WNT7A: variants seen among roughly 807,000 people sequenced by gnomAD.
The protein encoded by WNT7A is protein Wnt-7a.
Under a neutral mutation model 28.2 loss-of-function variants are expected in WNT7A, and 16 were observed. The observed-to-expected ratio is 0.57, with a 90% CI of 0.38 to 0.86. The LOEUF is 0.86. Ranked by LOEUF, WNT7A falls within the 40% of genes least tolerant of loss-of-function variation. WNT7A has a pLI of 0.00. For synonymous variants in WNT7A, 190 were observed against 195.9 expected, an observed-to-expected ratio of 0.97 and a Z score of 0.25; for missense variants, 411 against 489.7, an observed-to-expected ratio of 0.84 and a Z score of 1.52.
At chr3:13,851,542 A>C (rs903317234) in intron 3 of WNT7A, among the ~76,000 whole-genome samples, 3 of 151,966 alleles carry the variant, frequency 2.0e-5, no homozygotes, top group African/African-American at 7.3e-5. Flanking sequence ...TCTTCCTCTG[A>C]CCTCTTTTCT....
intron 3 of WNT7A, among the ~76,000 whole-genome samples, chr3:13,822,172 C>T (rs1164152283): frequency 6.6e-6 from 1 of 152,232 alleles, no homozygotes; most frequent in East Asian, 1.9e-4. Flanking sequence ...AACAGTCTGG[C>T]AGCTCCTCAG....
At chr3:13,856,721 G>A (rs555793521) in intron 2 of WNT7A, among the ~76,000 whole-genome samples, 1 of 152,088 alleles carries the variant, frequency 6.6e-6, no homozygotes, top group South Asian at 2.1e-4. Context: ...GGGAAACTGA[G>A]GCAGGAGAAT....
chr3:13,833,401 A>T (rs1327177196), intron 3 of WNT7A, among the ~76,000 whole-genome samples: 1 of 152,158 alleles, frequency 6.6e-6, no homozygotes, highest in Non-Finnish European at 1.5e-5. Context: ...ACATGAAGGG[A>T]GCCCATATGG....
In WNT7A at chr3:13,822,482, G is replaced by C. The variant is rs76751654; in HGVS notation, c.571-3059C>G. Among the ~76,000 whole-genome samples the C allele has an allele frequency of 1.5e-4, 23 of 152,332 alleles. No homozygotes were observed. In the East Asian group the frequency reaches 4.4e-3, roughly 29 times the overall value. ...AGCCAGATGCAAAAGGCCACATATC[G>C]TGTGATTCCGTTTACATGCAATGCC... On this transcript the variant is annotated intron_variant, in intron 3 of 3. Coordinates refer to ENST00000285018, the MANE Select transcript of WNT7A (RefSeq NM_004625.4).
chr3:13,840,469 G>A (rs191479635), intron 3 of WNT7A, among the ~76,000 whole-genome samples: 37 of 152,352 alleles, frequency 2.4e-4, no homozygotes, highest in African/African-American at 3.4e-4. Flanking sequence ...ATGAACGAAT[G>A]CATGGATTTC....
At chr3:13,833,612 C>T (rs1694317357) in intron 3 of WNT7A, among the ~76,000 whole-genome samples, 1 of 152,210 alleles carries the variant, frequency 6.6e-6, no homozygotes, top group African/African-American at 2.4e-5. Context: ...AAGTGACCTC[C>T]CTGCAGGCTG....
chr3:13,851,328 G>A (rs1260512678), intron 3 of WNT7A, among the ~76,000 whole-genome samples: 6 of 152,160 alleles, frequency 3.9e-5, no homozygotes, highest in Non-Finnish European at 5.9e-5. Context: ...CTGCAGCCTC[G>A]TCACTCGTCC....
chr3:13,877,703 T>C lies in WNT7A; in HGVS notation c.71+2043A>G, dbSNP rs888848176. On this transcript the variant is annotated intron_variant, in intron 1 of 3. Transcript: ENST00000285018. Reference sequence around the variant, plus strand: ...GTATTGATAACTAGTCCCCACCTCATTGGCTGCTGTGAAAATCAAATGTGC... The same window carrying C: ...GTATTGATAACTAGTCCCCACCTCACTGGCTGCTGTGAAAATCAAATGTGC... 4.6e-5 allele frequency among the ~76,000 whole-genome samples: 7 copies of C among 152,188 alleles called. No homozygotes were observed. In the East Asian group the frequency reaches 1.3e-3, roughly 29 times the overall value.
At chr3:13,854,485 G>T (rs1392587444) in intron 3 of WNT7A, 47 bp downstream of exon 3, 1 of 1,612,586 alleles carries the variant, frequency 6.2e-7, no homozygotes, top group South Asian at 1.1e-5. Flanking sequence ...AAGCCATTTT[G>T]CAGCATCTCC....
At chr3:13,823,454 G>T (rs1694143869) in intron 3 of WNT7A, among the ~76,000 whole-genome samples, 2 of 152,196 alleles carry the variant, frequency 1.3e-5, no homozygotes, top group Non-Finnish European at 1.5e-5. Flanking sequence ...CCGAGCAATT[G>T]TCAGTTGAAT....
chr3:13,850,829 T>C (rs1350330315), intron 3 of WNT7A, among the ~76,000 whole-genome samples: 1 of 152,080 alleles, frequency 6.6e-6, no homozygotes, highest in African/African-American at 2.4e-5. Context: ...CAGGCTTCTC[T>C]GCACTCCTGC....
At chr3:13,866,551 A>G (rs909550218) in intron 2 of WNT7A, among the ~76,000 whole-genome samples, 2 of 152,182 alleles carry the variant, frequency 1.3e-5, no homozygotes, top group African/African-American at 4.8e-5. Context: ...AAGGACAGGC[A>G]GTGTACACTA....
intron 3 of WNT7A, among the ~76,000 whole-genome samples, chr3:13,837,087 C>T (rs1222819380): frequency 6.6e-6 from 1 of 152,136 alleles, no homozygotes; most frequent in Non-Finnish European, 1.5e-5. Context: ...TTACCGGAGG[C>T]CAAGTGGTAG....
At chr3:13,837,249 A>T (rs1408250421) in intron 3 of WNT7A, among the ~76,000 whole-genome samples, 1 of 152,074 alleles carries the variant, frequency 6.6e-6, no homozygotes, top group Admixed American at 6.6e-5. Flanking sequence ...ACTCCACAGC[A>T]GCTGATCCTT....
chr3:13,854,730 G>C lies in WNT7A; in HGVS notation c.372C>G (p.Thr124=). The change falls in exon 3 of 4, where the codon ACC becomes ACG. Residue 124 remains threonine (T), a synonymous_variant. Coordinates refer to ENST00000285018, the MANE Select transcript of WNT7A (RefSeq NM_004625.4). Reference sequence around the variant, plus strand: ...AGCCACAGTCGCTCAGGTTGCCCTGGGTACAGGCAGCTGTGATGGCGTGGG... The same window carrying C: ...AGCCACAGTCGCTCAGGTTGCCCTGCGTACAGGCAGCTGTGATGGCGTGGG... ...GVAHAITAAC[T]QGNLSDCGCD... is the part of the protein sequence containing the mutation. 1 of 1,614,056 alleles carries C rather than the reference G, an allele frequency of 6.2e-7. No homozygotes were observed. Among genetic ancestry groups the C allele is most frequent in the Non-Finnish European group, 8.5e-7 (1 of 1,180,042 alleles).
chr3:13,819,454 C>A (rs1228408636), intron 3 of WNT7A, 31 bp from the exon 4 acceptor site: 3 of 1,605,388 alleles, frequency 1.9e-6, no homozygotes, highest in African/African-American at 1.3e-5. Flanking sequence ...GAGCACAGCA[C>A]AGGTCACTGC....
intron 1 of WNT7A, among the ~76,000 whole-genome samples, chr3:13,876,166 A>T (rs1023888215): frequency 4.6e-5 from 7 of 152,222 alleles, no homozygotes; most frequent in African/African-American, 1.7e-4. Flanking sequence ...AATTGCCAGG[A>T]GGCATCTGTG....
chr3:13,827,592 C>G (rs1275864363), intron 3 of WNT7A, among the ~76,000 whole-genome samples: 3 of 152,138 alleles, frequency 2.0e-5, no homozygotes, highest in Admixed American at 6.5e-5. Context: ...TGGGCCTGTC[C>G]CAGACCCTCG....
chr3:13,874,915 G>C, intron 2 of WNT7A, 32 bp downstream of exon 2: 1 of 1,609,758 alleles, frequency 6.2e-7, no homozygotes, highest in Non-Finnish European at 8.5e-7. Flanking sequence ...GAGCCGGTAA[G>C]ACTCTGCGGG....
Sources: gnomAD v4.1 joint callset for allele counts (sites outside exome capture counted in the v4.1 genomes callset) on GRCh38, gnomAD v4.1.1 for gene constraint, MANE v1.5 for transcripts, NCBI Gene and HGNC (gene_info 2026-07-23, HGNC 2026-07-21) for gene names.